Variants in TLL2 observed in about 807,000 individuals in gnomAD.
TLL2 encodes tolloid-like protein 2.
A neutral mutation model predicts 123.0 loss-of-function variants in TLL2; 106 were observed. The observed-to-expected ratio is 0.86, with a 90% CI of 0.74 to 1.01. The LOEUF (loss-of-function observed/expected upper bound fraction) is 1.01, where lower values mean the gene tolerates loss of function less well. Among genes scored for constraint, TLL2 ranks in the 50% least tolerant of loss-of-function variants. The pLI, the probability that TLL2 is intolerant of heterozygous loss-of-function variation, is 0.00. For synonymous variants in TLL2, 494 were observed against 516.8 expected, an observed-to-expected ratio of 0.96 and a Z score of 0.60; for missense variants, 1,332 against 1,336.7, an observed-to-expected ratio of 1.00 and a Z score of 0.06.
chr10:96,484,590 T>TACACACAC (rs56286214), intron 1 of TLL2, among the ~76,000 whole-genome samples: 67 of 146,028 alleles, frequency 4.6e-4, no homozygotes, highest in African/African-American at 7.4e-4. Flanking sequence ...TACACATAAG[T>TACACACAC]ACACACACAC....
chr10:96,416,957 T>G (rs1390237480), intron 7 of TLL2, among the ~76,000 whole-genome samples: 1 of 152,186 alleles, frequency 6.6e-6, no homozygotes, highest in East Asian at 1.9e-4. Context: ...TCCTGGATCT[T>G]TGCCCAGCAA....
At chr10:96,369,598 T>C (rs1002604775) in intron 20 of TLL2, among the ~76,000 whole-genome samples, 1 of 151,766 alleles carries the variant, frequency 6.6e-6, no homozygotes, top group Non-Finnish European at 1.5e-5. Flanking sequence ...CCGTCTCTAC[T>C]GAAAATACAA....
chr10:96,422,500 T>A (rs1589418762), intron 6 of TLL2, 49 bp downstream of exon 6: 2 of 1,606,246 alleles, frequency 1.2e-6, no homozygotes, highest in Non-Finnish European at 1.7e-6. Context: ...TCCCTGAGGT[T>A]GCCACCTTCT....
At chr10:96,484,064 T>G (rs10748680) in intron 1 of TLL2, among the ~76,000 whole-genome samples, 132,104 of 152,130 alleles carry the variant, frequency 0.87, 57,375 homozygotes, top group Middle Eastern at 0.97. Flanking sequence ...GGCTGGTCTG[T>G]AACTCCTGAC....
chr10:96,490,629 CA>C (rs1480189034), intron 1 of TLL2, among the ~76,000 whole-genome samples: 10 of 152,150 alleles, frequency 6.6e-5, no homozygotes, highest in African/African-American at 9.7e-5. Flanking sequence ...AAAATTAAAT[CA>C]ACAAGTGGAC....
chr10:96,491,161 G>A (rs757462432), intron 1 of TLL2, among the ~76,000 whole-genome samples: 2 of 152,066 alleles, frequency 1.3e-5, no homozygotes, highest in Non-Finnish European at 2.9e-5. Flanking sequence ...CAGGCGGATC[G>A]CCTGAGGTTA....
At chr10:96,464,467 C>T (rs931485739) in intron 2 of TLL2, among the ~76,000 whole-genome samples, 4 of 151,948 alleles carry the variant, frequency 2.6e-5, no homozygotes, top group Non-Finnish European at 4.4e-5. Context: ...TGTGAGCAGT[C>T]ACAACTCTGG....
At chr10:96,463,106 A>G (rs1274709420) in intron 2 of TLL2, among the ~76,000 whole-genome samples, 1 of 152,232 alleles carries the variant, frequency 6.6e-6, no homozygotes, top group African/African-American at 2.4e-5. Flanking sequence ...AAATTCACGA[A>G]TATAAAATCT....
chr10:96,480,208 A>G (rs1043075106), intron 2 of TLL2, 141 bp downstream of exon 2: 1 of 685,164 alleles, frequency 1.5e-6, no homozygotes, highest in Admixed American at 2.6e-5. Flanking sequence ...GGAGAAGGAG[A>G]AGTGACCCCT....
At chr10:96,418,895 G>C (rs945454317) in intron 7 of TLL2, among the ~76,000 whole-genome samples, 7 of 151,118 alleles carry the variant, frequency 4.6e-5, no homozygotes, top group African/African-American at 1.7e-4. Flanking sequence ...GCAATATGAA[G>C]AGTTATGGCA....
chr10:96,373,336 T>C lies in TLL2; in HGVS notation c.2662+260A>G, dbSNP rs137892242. The C allele has an allele frequency of 1.9e-3, 699 of 377,560 alleles. 4 individuals carry two copies. The highest frequency in any genetic ancestry group is 0.014 in the African/African-American group (657 of 48,150). 23.4% of individuals were successfully genotyped at this position (377,560 alleles called of 1,614,324 possible). A position where few individuals can be genotyped will look rare whatever the true frequency, so the allele number is the denominator to read the frequency against. ...TTGTATTTTTAGTAGAGACGGGGTTTCACCATGTTGCCCAGGCTGGTCTCG... is the reference window on the plus strand; with the variant it reads ...TTGTATTTTTAGTAGAGACGGGGTTCCACCATGTTGCCCAGGCTGGTCTCG... On this transcript the variant is annotated intron_variant, in intron 19 of 20. Transcript: ENST00000357947.
Position 96,367,829 on chromosome 10 carries a change from C to A in TLL2, c.*259G>T, listed in dbSNP as rs1443478344. ...GCATAGCCGGAATGGTCAGTGACTT[C>A]AATCCTAATCTTTAACACTTTAACA... On this transcript the variant is annotated 3_prime_UTR_variant, in exon 21 of 21. Coordinates refer to ENST00000357947, the MANE Select transcript of TLL2 (RefSeq NM_012465.4). The A allele has an allele frequency of 2.2e-5, 9 of 405,390 alleles. No individual in the cohort carries two copies. The highest frequency in any genetic ancestry group is 3.2e-5 in the Non-Finnish European group (7 of 221,650). The allele number at this position is 405,390 out of a possible 1,614,324, so 25.1% of individuals were successfully genotyped here. A position where few individuals can be genotyped will look rare whatever the true frequency, so the allele number is the denominator to read the frequency against.
At chr10:96,375,408 A>C (rs1162300908) in intron 18 of TLL2, 1 of 152,308 alleles carries the variant, frequency 6.6e-6, no homozygotes, top group Non-Finnish European at 1.5e-5. Flanking sequence ...AGCCTCGGGC[A>C]AACGCTTCCC....
chr10:96,494,108 G>C (rs374723667), intron 1 of TLL2, among the ~76,000 whole-genome samples: 1 of 152,202 alleles, frequency 6.6e-6, no homozygotes, highest in Non-Finnish European at 1.5e-5. Flanking sequence ...CTGGCCAGCC[G>C]GGGACAGCCC....
intron 10 of TLL2, among the ~76,000 whole-genome samples, chr10:96,398,050 A>G (rs1049062655): frequency 6.6e-6 from 1 of 152,218 alleles, no homozygotes; most frequent in Non-Finnish European, 1.5e-5. Flanking sequence ...CCACCCGCCA[A>G]GGTCAGCATA....
intron 16 of TLL2, among the ~76,000 whole-genome samples, chr10:96,379,751 G>T (rs181604472): frequency 6.6e-5 from 10 of 152,356 alleles, no homozygotes; most frequent in Admixed American, 6.5e-4. Flanking sequence ...GAACCTGGGA[G>T]GCAGAGGTTG....
chr10:96,451,599 T>C (rs1395617011), intron 2 of TLL2, among the ~76,000 whole-genome samples: 1 of 152,252 alleles, frequency 6.6e-6, no homozygotes, highest in Admixed American at 6.5e-5. Context: ...CTTGGTTCTC[T>C]TGAACATGAG....
Position 96,418,344 on chromosome 10 carries a change from G to A in TLL2, c.923+2612C>T, listed in dbSNP as rs562733459. ...GTGCAGTGCCTGGCACGGAGCAGGC[G>A]GTGAGAAGGCAGTGCAGTCCCTACA... On this transcript the variant is annotated intron_variant, in intron 7 of 20. Coordinates refer to ENST00000357947, the MANE Select transcript of TLL2 (RefSeq NM_012465.4). Among the ~76,000 whole-genome samples the A allele has an allele frequency of 3.9e-5, 6 of 152,312 alleles. No individual in the cohort carries two copies. In the East Asian group the frequency reaches 1.2e-3, roughly 29 times the overall value.
intron 2 of TLL2, among the ~76,000 whole-genome samples, chr10:96,450,376 T>C (rs1846945621): frequency 6.6e-6 from 1 of 152,162 alleles, no homozygotes. Flanking sequence ...TTTAAAAAAA[T>C]ACTGGCGTCT....
Sources: gnomAD v4.1 joint callset for allele counts (sites outside exome capture counted in the v4.1 genomes callset) on GRCh38, gnomAD v4.1.1 for gene constraint, MANE v1.5 for transcripts, NCBI Gene and HGNC (gene_info 2026-07-23, HGNC 2026-07-21) for gene names.